The following VWA3B variants were observed in gnomAD, a reference collection of about 807,000 sequenced individuals.
VWA3B encodes von Willebrand factor A domain-containing protein 3B.
In VWA3B, 138 loss-of-function variants were observed where a neutral mutation model predicts 158.3. That is an observed-to-expected ratio of 0.87 (90% CI 0.76 to 1.00). The LOEUF (loss-of-function observed/expected upper bound fraction) is 1.00. VWA3B is among the 50% of genes least tolerant of loss of function. The pLI is 0.00. For synonymous variants in VWA3B, 596 were observed against 587.3 expected, an observed-to-expected ratio of 1.01 and a Z score of -0.21; for missense variants, 1,555 against 1,565.1, an observed-to-expected ratio of 0.99 and a Z score of 0.11.
intron 20 of VWA3B, among the ~76,000 whole-genome samples, chr2:98,255,748 GC>G (rs1446253967): frequency 6.6e-6 from 1 of 152,104 alleles, no homozygotes; most frequent in Non-Finnish European, 1.5e-5. Flanking sequence ...GAGAATCCAG[GC>G]AGAAGAGTGT....
intron 5 of VWA3B, 120 bp from the exon 6 acceptor site, chr2:98,128,116 GGCT>G (rs2105012017): frequency 8.4e-7 from 1 of 1,197,134 alleles, no homozygotes; most frequent in Non-Finnish European, 1.2e-6. Flanking sequence ...CCCTGGGCAG[GGCT>G]GCTATTCTTT....
chr2:98,324,990 G>C, the VWA3B span, among the ~76,000 whole-genome samples: 1 of 151,780 alleles, frequency 6.6e-6, no homozygotes, highest in African/African-American at 2.4e-5. Context: ...CTGATCAATA[G>C]AAATTGTCAA....
At chr2:98,317,897 CA>C (rs1574339735), downstream of VWA3B, among the ~76,000 whole-genome samples, 1 of 152,220 alleles carries the variant, frequency 6.6e-6, no homozygotes. Flanking sequence ...CAACAAAGTT[CA>C]TATGGAAAAA....
intron 8 of VWA3B, among the ~76,000 whole-genome samples, chr2:98,175,234 T>C (rs985680895): frequency 6.6e-6 from 1 of 152,170 alleles, no homozygotes; most frequent in African/African-American, 2.4e-5. Context: ...AGCCCAGACA[T>C]TGACCTTACT....
At chr2:98,217,712 T>C in intron 13 of VWA3B, 134 bp from the exon 14 acceptor site, 1 of 740,214 alleles carries the variant, frequency 1.4e-6, no homozygotes, top group Non-Finnish European at 2.0e-6. Context: ...TCGACATGTT[T>C]TTAAGAAGCC....
intron 26 of VWA3B, among the ~76,000 whole-genome samples, chr2:98,311,042 A>AAACAAAACGAAAGTT (rs1690857886): frequency 2.6e-5 from 4 of 152,246 alleles, no homozygotes; most frequent in Non-Finnish European, 5.9e-5. Context: ...TGCGGAGTAA[A>AAACAAAACGAAAGTT]AACAAAACAA....
At position 98,160,134 on chromosome 2, in the gene VWA3B, G is replaced by A. The variant is rs564762028; in HGVS notation, c.989-2717G>A. On this transcript the variant is annotated intron_variant, in intron 7 of 27. Transcript: ENST00000477737. ...CAGCGGGGTTTCCTGTGCCCCCATC[G>A]TCTTCCATCCCCAATGGGGCTCTGT... Among the ~76,000 whole-genome samples, 6 of 151,994 alleles carry A rather than the reference G, an allele frequency of 3.9e-5. No individual in the cohort carries two copies. The South Asian group carries it at 1.0e-3, about 26-fold the overall frequency.
chr2:98,153,842 G>C (rs1386226713), intron 7 of VWA3B, among the ~76,000 whole-genome samples: 1 of 152,134 alleles, frequency 6.6e-6, no homozygotes, highest in Admixed American at 6.5e-5. Flanking sequence ...TTGTAACAGT[G>C]GGCTGCCTTG....
intron 14 of VWA3B, among the ~76,000 whole-genome samples, chr2:98,223,726 A>G (rs1482770822): frequency 6.6e-6 from 1 of 152,098 alleles, no homozygotes; most frequent in Non-Finnish European, 1.5e-5. Flanking sequence ...TTTTACTTTT[A>G]TTTTATTTTA....
intron 23 of VWA3B, 159 bp downstream of exon 23, chr2:98,290,781 G>A: frequency 1.8e-6 from 1 of 562,826 alleles, no homozygotes; most frequent in Non-Finnish European, 3.1e-6. Context: ...TCTCTGGCCA[G>A]CTCATGAAAT....
intron 2 of VWA3B, among the ~76,000 whole-genome samples, chr2:98,101,735 T>C (rs1157547946): frequency 6.6e-6 from 1 of 152,128 alleles, no homozygotes; most frequent in South Asian, 2.1e-4. Flanking sequence ...CCCTGTGCCA[T>C]CTAAATATCT....
At chr2:98,123,880 G>A (rs1192620268) in intron 5 of VWA3B, among the ~76,000 whole-genome samples, 1 of 152,190 alleles carries the variant, frequency 6.6e-6, no homozygotes, top group Non-Finnish European at 1.5e-5. Flanking sequence ...TGCCTAAGAA[G>A]ACCAAGGGGT....
chr2:98,296,181 T>C (rs1036694474), intron 23 of VWA3B, among the ~76,000 whole-genome samples: 4 of 152,202 alleles, frequency 2.6e-5, no homozygotes, highest in African/African-American at 4.8e-5. Context: ...TGGATACTGC[T>C]AAGTCCCAAA....
At position 98,293,928 on chromosome 2, in the gene VWA3B, T is replaced by G. The variant is rs1273994154; in HGVS notation, c.3157+3306T>G. ...TTAGTGGACATGTCTCTAGCCCTCT[T>G]TGATCTAGAATCATTCTTTAGCCTT... On this transcript the variant is annotated intron_variant, in intron 23 of 27. Coordinates refer to ENST00000477737, the MANE Select transcript of VWA3B (RefSeq NM_144992.5). Among the ~76,000 whole-genome samples, 8 of 152,278 alleles carry G rather than the reference T, an allele frequency of 5.3e-5. No homozygotes were observed. In the East Asian group the frequency reaches 7.7e-4, roughly 15 times the overall value.
chr2:98,147,053 G>T (rs527997106), intron 7 of VWA3B, among the ~76,000 whole-genome samples: 2 of 152,236 alleles, frequency 1.3e-5, no homozygotes, highest in South Asian at 2.1e-4. Context: ...TCTTAATTTC[G>T]CAAATTCCAA....
At position 98,194,482 on chromosome 2, in the gene VWA3B, G is replaced by C. The variant is rs747764272; in HGVS notation, c.1727G>C (p.Arg576Thr). 6.2e-7 allele frequency: 1 copy of C among 1,613,906 alleles called. No homozygotes were observed. Among genetic ancestry groups the C allele is most frequent in the South Asian group, 1.1e-5 (1 of 91,042 alleles). ...DNLEQAQSWI[R>T]DIKIGSSTNT... is the part of the protein sequence containing the mutation. Reference sequence around the variant, plus strand: ...TTGGAACAGGCTCAGTCCTGGATTAGAGACATAAAGGTAAGTTGGAGACTA... The same window carrying C: ...TTGGAACAGGCTCAGTCCTGGATTACAGACATAAAGGTAAGTTGGAGACTA... The change falls in exon 12 of 28, where the codon AGA (arginine) becomes ACA (threonine). Residue 576 changes from arginine to threonine, a missense_variant. Coordinates refer to ENST00000477737, the MANE Select transcript of VWA3B (RefSeq NM_144992.5).
chr2:98,249,613 T>A (rs1045917003), intron 19 of VWA3B, among the ~76,000 whole-genome samples: 2 of 151,804 alleles, frequency 1.3e-5, no homozygotes, highest in African/African-American at 4.8e-5. Flanking sequence ...TACCATCTTT[T>A]CCCCCCGGAG....
intron 2 of VWA3B, among the ~76,000 whole-genome samples, chr2:98,095,571 G>A (rs1471922105): frequency 6.6e-6 from 1 of 152,140 alleles, no homozygotes; most frequent in African/African-American, 2.4e-5. Context: ...TGCAAATAGG[G>A]ACAATTTAGC....
rs149899222 is a variant in VWA3B at position 98,104,544 on chromosome 2, T to C, written c.197-11108T>C. Among the ~76,000 whole-genome samples, 357 of 152,300 alleles carry C rather than the reference T, an allele frequency of 2.3e-3. 1 individual carries two copies. The highest frequency in any genetic ancestry group is 8.1e-3 in the African/African-American group (336 of 41,572). On this transcript the variant is annotated intron_variant, in intron 2 of 27. Coordinates refer to ENST00000477737, the MANE Select transcript of VWA3B (RefSeq NM_144992.5). Reference sequence around the variant, plus strand: ...GGATCTGTCGCCGTGATCCAAACACTTCCCATTAGGCTTCACCTCCAACAT... The same window carrying C: ...GGATCTGTCGCCGTGATCCAAACACCTCCCATTAGGCTTCACCTCCAACAT...
Sources: allele counts gnomAD v4.1 joint callset (sites outside exome capture counted in the v4.1 genomes callset), GRCh38; gene constraint gnomAD v4.1.1; transcripts MANE v1.5; gene names NCBI Gene and HGNC (gene_info 2026-07-23, HGNC 2026-07-21).